Variants in GRM1 observed in about 807,000 individuals in gnomAD.
The protein encoded by GRM1 is metabotropic glutamate receptor 1.
A neutral mutation model predicts 90.9 loss-of-function variants in GRM1; 33 were observed. The ratio of observed to expected loss-of-function variants is 0.36; its 90% CI spans 0.28 to 0.49. The LOEUF (loss-of-function observed/expected upper bound fraction) is 0.49, where lower values mean the gene tolerates loss of function less well. GRM1 is among the 20% of genes least tolerant of loss of function. The pLI is 0.99. For missense variants in GRM1, 1,190 were observed against 1,534.3 expected, an observed-to-expected ratio of 0.78 and a Z score of 3.75; for synonymous variants, 700 against 613.2, an observed-to-expected ratio of 1.14 and a Z score of -2.09.
intron 6 of GRM1, among the ~76,000 whole-genome samples, chr6:146,397,495 A>T (rs902489635): frequency 3.3e-5 from 5 of 150,914 alleles, no homozygotes; most frequent in Admixed American, 6.6e-5. Context: ...AAAAAAAAAA[A>T]AAAAAAAAAA....
At chr6:146,158,614 G>A (rs1374986820) in intron 1 of GRM1, among the ~76,000 whole-genome samples, 1 of 152,132 alleles carries the variant, frequency 6.6e-6, no homozygotes, top group Admixed American at 6.6e-5. Context: ...AGACACAGAG[G>A]CTCATAAAAT....
intron 2 of GRM1, among the ~76,000 whole-genome samples, chr6:146,300,905 A>G (rs930860695): frequency 3.9e-5 from 6 of 152,248 alleles, no homozygotes; most frequent in Non-Finnish European, 8.8e-5. Flanking sequence ...GAGAAAATTC[A>G]TCAAAACAAC....
At chr6:146,414,616 A>G (rs1236817079) in intron 7 of GRM1, among the ~76,000 whole-genome samples, 1 of 151,998 alleles carries the variant, frequency 6.6e-6, no homozygotes, top group Non-Finnish European at 1.5e-5. Flanking sequence ...GTTAGCCAGA[A>G]TGGTCTTGAT....
intron 5 of GRM1, among the ~76,000 whole-genome samples, chr6:146,383,389 A>C (rs1776389182): frequency 6.6e-6 from 1 of 152,168 alleles, no homozygotes; most frequent in South Asian, 2.1e-4. Flanking sequence ...AGCTGGTTGA[A>C]GTGACATACA....
At chr6:146,397,950 T>C (rs1370693149) in intron 6 of GRM1, among the ~76,000 whole-genome samples, 2 of 152,246 alleles carry the variant, frequency 1.3e-5, no homozygotes, top group South Asian at 2.1e-4. Flanking sequence ...ACCAAATATT[T>C]TGTGATTACA....
chr6:146,126,231 A>G (rs898904759), intron 1 of GRM1, among the ~76,000 whole-genome samples: 5 of 152,144 alleles, frequency 3.3e-5, no homozygotes, highest in African/African-American at 1.2e-4. Context: ...TTGACAATGA[A>G]TGTTTATCTT....
At chr6:146,377,214 T>G (rs1405993047) in intron 5 of GRM1, among the ~76,000 whole-genome samples, 1 of 151,886 alleles carries the variant, frequency 6.6e-6, no homozygotes, top group Non-Finnish European at 1.5e-5. Flanking sequence ...ATACTGAAAA[T>G]GTGGAAGCAA....
At chr6:146,270,849 TTTTCTTTCTTTCTTTCTTTCTTTC>T (rs1164507964) in intron 2 of GRM1, among the ~76,000 whole-genome samples, 15 of 91,754 alleles carry the variant, frequency 1.6e-4, no homozygotes, top group East Asian at 3.8e-4. Flanking sequence ...CTTTCTTTCT[TTTTCTTTCTTTCTTTCTTTCTTTC>T]TTTCTTTCTT....
At chr6:146,308,357 C>A (rs74659345) in intron 3 of GRM1, among the ~76,000 whole-genome samples, 1,727 of 152,222 alleles carry the variant, frequency 0.011, 70 homozygotes, top group East Asian at 0.079. Flanking sequence ...AACTACTTTA[C>A]AATAAAATAA....
At chr6:146,036,947 G>A (rs972157399) in intron 1 of GRM1, among the ~76,000 whole-genome samples, 9 of 151,958 alleles carry the variant, frequency 5.9e-5, no homozygotes, top group Non-Finnish European at 1.0e-4. Context: ...ACTAATATTT[G>A]TTGGAAGAGA....
chr6:146,425,404 C>T (rs1182781769), intron 7 of GRM1, among the ~76,000 whole-genome samples: 1 of 152,186 alleles, frequency 6.6e-6, no homozygotes, highest in African/African-American at 2.4e-5. Flanking sequence ...AATACCTCTT[C>T]CTCCTCTTTC....
At chr6:146,203,846 C>T (rs1348729299) in intron 2 of GRM1, among the ~76,000 whole-genome samples, 1 of 152,190 alleles carries the variant, frequency 6.6e-6, no homozygotes, top group Non-Finnish European at 1.5e-5. Flanking sequence ...CATGTAAATT[C>T]CCACAATGTT....
intron 2 of GRM1, among the ~76,000 whole-genome samples, chr6:146,259,938 A>T (rs902668097): frequency 2.1e-4 from 32 of 149,230 alleles, no homozygotes; most frequent in African/African-American, 7.1e-4. Flanking sequence ...CAATTTCTAC[A>T]CATCCTCACC....
chr6:146,219,915 G>T (rs192824373), intron 2 of GRM1, among the ~76,000 whole-genome samples: 1 of 152,128 alleles, frequency 6.6e-6, no homozygotes, highest in East Asian at 1.9e-4. Context: ...TTTTGTGTGT[G>T]TGTGTGTGTG....
chr6:146,304,236 C>T (rs1783494374), intron 2 of GRM1, among the ~76,000 whole-genome samples: 1 of 152,066 alleles, frequency 6.6e-6, no homozygotes, highest in Non-Finnish European at 1.5e-5. Context: ...GAAGGTCAGC[C>T]TCTGAGGTAC....
intron 7 of GRM1, chr6:146,426,679 C>A: frequency 9.9e-7 from 1 of 1,011,316 alleles, no homozygotes; most frequent in Non-Finnish European, 1.6e-6. Flanking sequence ...AGTGTTTTGC[C>A]CCTTGCTTTC....
chr6:146,086,419 C>G (rs1582982664), intron 1 of GRM1, among the ~76,000 whole-genome samples: 1 of 152,186 alleles, frequency 6.6e-6, no homozygotes, highest in East Asian at 1.9e-4. Flanking sequence ...GGCCAGACTA[C>G]TCTGTAAGAG....
At chr6:146,129,981 G>A (rs975199281) in intron 1 of GRM1, among the ~76,000 whole-genome samples, 1 of 151,996 alleles carries the variant, frequency 6.6e-6, no homozygotes, top group Non-Finnish European at 1.5e-5. Flanking sequence ...TTGGTGGTCA[G>A]ACTATAAAAT....
At chr6:146,364,344 G>A (rs1775599305) in intron 5 of GRM1, among the ~76,000 whole-genome samples, 1 of 152,146 alleles carries the variant, frequency 6.6e-6, no homozygotes, top group South Asian at 2.1e-4. Flanking sequence ...ATGATAGCAA[G>A]AGAATTGTTT....
Sources: allele counts gnomAD v4.1 joint callset (sites outside exome capture counted in the v4.1 genomes callset), GRCh38; gene constraint gnomAD v4.1.1; transcripts MANE v1.5; gene names NCBI Gene and HGNC (gene_info 2026-07-23, HGNC 2026-07-21).